The following TENT2 variants were observed in gnomAD, a reference collection of about 807,000 sequenced individuals.
The protein encoded by TENT2 is terminal nucleotidyltransferase 2.
In TENT2, 44 loss-of-function variants were observed where a neutral mutation model predicts 72.2. The observed-to-expected ratio is 0.61, with a 90% CI of 0.48 to 0.78. TENT2 has a LOEUF of 0.78. Ranked by LOEUF, TENT2 falls within the 30% of genes least tolerant of loss-of-function variation. The pLI, the probability that TENT2 is intolerant of heterozygous loss-of-function variation, is 0.00. For missense variants in TENT2, 541 were observed against 569.6 expected, an observed-to-expected ratio of 0.95 and a Z score of 0.51; for synonymous variants, 212 against 192.5, an observed-to-expected ratio of 1.10 and a Z score of -0.84.
At chr5:79,616,671 T>TTG (rs10684745) in intron 1 of TENT2, among the ~76,000 whole-genome samples, 67,314 of 151,894 alleles carry the variant, frequency 0.44, 18,089 homozygotes, top group African/African-American at 0.75. Context: ...TTCAAGATAT[T>TTG]TCCATTTCCT....
intron 4 of TENT2, among the ~76,000 whole-genome samples, chr5:79,635,991 T>C (rs1226538246): frequency 6.6e-6 from 1 of 152,250 alleles, no homozygotes; most frequent in Non-Finnish European, 1.5e-5. Context: ...GCACGTGGGC[T>C]ATGTAGGTCC....
intron 4 of TENT2, among the ~76,000 whole-genome samples, chr5:79,625,835 T>C (rs912285519): frequency 1.3e-4 from 12 of 89,752 alleles, no homozygotes; most frequent in African/African-American, 1.0e-3. Context: ...TAGTTAGCTG[T>C]TTTTTTTTTT....
chr5:79,617,961 G>T (rs928806296), intron 1 of TENT2, among the ~76,000 whole-genome samples: 3 of 151,998 alleles, frequency 2.0e-5, no homozygotes, highest in Non-Finnish European at 4.4e-5. Context: ...GATCCTTTCA[G>T]TCTGGGGATT....
At chr5:79,627,982 G>T (rs1288441046) in intron 4 of TENT2, among the ~76,000 whole-genome samples, 1 of 152,162 alleles carries the variant, frequency 6.6e-6, no homozygotes, top group African/African-American at 2.4e-5. Flanking sequence ...TTATCCTAAT[G>T]TTATTGAGGC....
chr5:79,659,132 T>G (rs887855485), intron 11 of TENT2, among the ~76,000 whole-genome samples: 5 of 152,114 alleles, frequency 3.3e-5, no homozygotes, highest in Non-Finnish European at 7.4e-5. Context: ...ACTTACTACC[T>G]GTTCTCACAC....
intron 10 of TENT2, among the ~76,000 whole-genome samples, chr5:79,651,462 A>G (rs1466740277): frequency 1.4e-5 from 2 of 141,170 alleles, no homozygotes; most frequent in Non-Finnish European, 3.0e-5. Context: ...AAAAACTGCT[A>G]CCAATTACTA....
At chr5:79,643,261 A>G (rs1012485543) in intron 7 of TENT2, among the ~76,000 whole-genome samples, 2 of 152,318 alleles carry the variant, frequency 1.3e-5, no homozygotes, top group South Asian at 2.1e-4. Context: ...AAAGCCCTAT[A>G]GGACTTTATA....
At chr5:79,677,163 A>G (rs1817917348) in intron 12 of TENT2, among the ~76,000 whole-genome samples, 1 of 152,242 alleles carries the variant, frequency 6.6e-6, no homozygotes, top group Non-Finnish European at 1.5e-5. Context: ...GAAATATTTA[A>G]AAGTTCTTTG....
rs77016725 is a variant in TENT2 at position 79,687,133 on chromosome 5, G to T, written c.*1860G>T. Reference sequence around the variant, plus strand: ...TTTCAGTGGCCCCACACTTACTACTGCTTTTCTTTGTTTTACCACGAAAAA... The same window carrying T: ...TTTCAGTGGCCCCACACTTACTACTTCTTTTCTTTGTTTTACCACGAAAAA... On this transcript the variant is annotated 3_prime_UTR_variant, in exon 15 of 15. Coordinates refer to ENST00000453514, the MANE Select transcript of TENT2 (RefSeq NM_001114394.3). 1.3e-5 allele frequency among the ~76,000 whole-genome samples: 2 copies of T among 152,058 alleles called. No individual in the cohort carries two copies. The highest frequency in any genetic ancestry group is 2.4e-5 in the African/African-American group (1 of 41,410).
chr5:79,613,522 C>T (rs1161602360), intron 1 of TENT2, among the ~76,000 whole-genome samples: 1 of 152,110 alleles, frequency 6.6e-6, no homozygotes, highest in East Asian at 1.9e-4. Context: ...TGGTTCAGTA[C>T]CACCAGGCTT....
chr5:79,622,490 A>G (rs2149987410), intron 3 of TENT2, among the ~76,000 whole-genome samples: 1 of 152,346 alleles, frequency 6.6e-6, no homozygotes, highest in South Asian at 2.1e-4. Context: ...ACCTCCAGAA[A>G]AAGAATAATA....
At chr5:79,672,538 C>T (rs903701055) in intron 12 of TENT2, among the ~76,000 whole-genome samples, 11 of 152,134 alleles carry the variant, frequency 7.2e-5, no homozygotes, top group Admixed American at 4.6e-4. Flanking sequence ...ATTTTTAGAT[C>T]CCACAGATAA....
At chr5:79,655,264 A>G (rs1386128904) in intron 10 of TENT2, among the ~76,000 whole-genome samples, 1 of 152,146 alleles carries the variant, frequency 6.6e-6, no homozygotes, top group Non-Finnish European at 1.5e-5. Context: ...GTTGTAACAT[A>G]AAGAATTTAC....
At chr5:79,669,942 T>C (rs1811601914) in intron 12 of TENT2, among the ~76,000 whole-genome samples, 1 of 152,004 alleles carries the variant, frequency 6.6e-6, no homozygotes. Flanking sequence ...AAGAGTAGTA[T>C]TTCAGGCCGG....
At chr5:79,613,568 A>G (rs1756939230) in intron 1 of TENT2, among the ~76,000 whole-genome samples, 1 of 152,220 alleles carries the variant, frequency 6.6e-6, no homozygotes, top group Non-Finnish European at 1.5e-5. Context: ...AAGGCTATTA[A>G]TTTATACTGA....
intron 4 of TENT2, among the ~76,000 whole-genome samples, chr5:79,626,489 A>G (rs184937621): frequency 1.8e-3 from 276 of 151,576 alleles, no homozygotes; most frequent in African/African-American, 6.5e-3. Flanking sequence ...TTGTATTTTT[A>G]TTAGAGACGG....
At chr5:79,683,392 T>A (rs1341460785) in intron 14 of TENT2, among the ~76,000 whole-genome samples, 1 of 151,936 alleles carries the variant, frequency 6.6e-6, no homozygotes, top group Non-Finnish European at 1.5e-5. Flanking sequence ...CACCTGTGTC[T>A]TAGCTACTGG....
chr5:79,679,627 G>T lies in TENT2; in HGVS notation c.1257G>T (p.Arg419Ser). The change falls in exon 13 of 15, where the codon AGG becomes AGT. Residue 419 changes from arginine to serine, a missense_variant. Arg to Ser is a moderately radical substitution (Grantham distance 110). Transcript: ENST00000453514. Reference protein sequence around the residue: ...ISVREAKAIPRPDGIEWRNKY... With the variant: ...ISVREAKAIPSPDGIEWRNKY... ...TTCGTGAAGCCAAAGCCATTCCAAG[G>T]CCTGATGGTATTGAATGGAGAAATA... The T allele has an allele frequency of 1.9e-6, 3 of 1,603,228 alleles. No individual in the cohort carries two copies. Among genetic ancestry groups the T allele is most frequent in the Non-Finnish European group, 2.6e-6 (3 of 1,173,974 alleles).
At chr5:79,684,329 A>G (rs767741099) in intron 14 of TENT2, among the ~76,000 whole-genome samples, 6 of 152,056 alleles carry the variant, frequency 3.9e-5, no homozygotes, top group Admixed American at 1.3e-4. Context: ...TGTTACCCAG[A>G]CTCAGGCAGC....
Sources: gnomAD v4.1 joint callset for allele counts (sites outside exome capture counted in the v4.1 genomes callset) on GRCh38, gnomAD v4.1.1 for gene constraint, MANE v1.5 for transcripts, NCBI Gene and HGNC (gene_info 2026-07-23, HGNC 2026-07-21) for gene names.